SCFD2: variants seen among roughly 807,000 people sequenced by gnomAD.
SCFD2 encodes sec1 family domain containing 2, also known as sec1 family domain-containing protein 2.
In SCFD2, 54 loss-of-function variants were observed where a neutral mutation model predicts 58.9. That is an observed-to-expected ratio of 0.92 (90% CI 0.74 to 1.15). SCFD2 has a LOEUF of 1.15. Among genes scored for constraint, SCFD2 ranks in the 50% most tolerant of loss-of-function variants. The pLI is 0.00. For missense variants in SCFD2, 805 were observed against 836.6 expected (o/e 0.96, Z 0.47); for synonymous variants, 321 against 335.9 (o/e 0.96, Z 0.49).
chr4:53,041,859 C>T (rs1577679621), intron 5 of SCFD2, among the ~76,000 whole-genome samples: 1 of 152,176 alleles, frequency 6.6e-6, no homozygotes, highest in Middle Eastern at 3.4e-3. Context: ...AGAGTGTATC[C>T]ACTTCTTCCA....
chr4:53,019,107 C>G (rs952451190), intron 5 of SCFD2, among the ~76,000 whole-genome samples: 3 of 152,102 alleles, frequency 2.0e-5, no homozygotes, highest in Non-Finnish European at 2.9e-5. Flanking sequence ...AGGATTATAA[C>G]CTTTGACCTA....
chr4:52,958,167 G>C (rs1320414722), intron 5 of SCFD2: 1 of 152,174 alleles, frequency 6.6e-6, no homozygotes, highest in Non-Finnish European at 1.5e-5. Flanking sequence ...ATTCCCCAAG[G>C]TGGGAAGCAA....
chr4:53,310,275 AG>A (rs1732651742), intron 3 of SCFD2, among the ~76,000 whole-genome samples: 1 of 152,244 alleles, frequency 6.6e-6, no homozygotes, highest in Non-Finnish European at 1.5e-5. Context: ...AAGAAAAGAC[AG>A]TATCATAAAG....
intron 4 of SCFD2, among the ~76,000 whole-genome samples, chr4:53,161,221 G>A (rs576954830): frequency 1.3e-5 from 2 of 152,296 alleles, no homozygotes; most frequent in East Asian, 3.9e-4. Context: ...TGAGCTGGGT[G>A]ATGATTACAC....
intron 5 of SCFD2, among the ~76,000 whole-genome samples, chr4:52,988,996 G>C (rs1441325140): frequency 1.3e-5 from 2 of 152,144 alleles, no homozygotes; most frequent in Non-Finnish European, 2.9e-5. Context: ...ATCCCTAATA[G>C]TTATAATAAT....
In SCFD2 at chr4:52,970,044, A is replaced by C. The variant is rs1721058054; in HGVS notation, c.1562-49174T>G. ...AAGAAAACAATTGGGGCGTGGAGCC[A>C]AGATGGCTGAATAGGAACAACTCCA... On this transcript the variant is annotated intron_variant, in intron 5 of 8. Coordinates refer to ENST00000401642, the MANE Select transcript of SCFD2 (RefSeq NM_152540.4). 2.0e-5 allele frequency among the ~76,000 whole-genome samples: 3 copies of C among 152,242 alleles called. No individual in the cohort carries two copies. The South Asian group carries it at 6.2e-4, about 32-fold the overall frequency.
chr4:53,225,945 T>C (rs1279274567), intron 4 of SCFD2, among the ~76,000 whole-genome samples: 1 of 152,160 alleles, frequency 6.6e-6, no homozygotes, highest in Admixed American at 6.5e-5. Context: ...AGTTTACTTG[T>C]TATTTGGGGT....
intron 5 of SCFD2, among the ~76,000 whole-genome samples, chr4:52,981,527 G>T (rs1721374854): frequency 6.6e-6 from 1 of 152,126 alleles, no homozygotes; most frequent in Non-Finnish European, 1.5e-5. Context: ...AGGGTTATTA[G>T]AAGATAAATT....
At chr4:53,176,448 G>A (rs1185729900) in intron 4 of SCFD2, among the ~76,000 whole-genome samples, 1 of 152,128 alleles carries the variant, frequency 6.6e-6, no homozygotes, top group Non-Finnish European at 1.5e-5. Context: ...CTGTTACCTT[G>A]GCCAGACAAC....
At chr4:52,920,971 CT>C in intron 5 of SCFD2, 101 bp from the exon 6 acceptor site, 1 of 487,726 alleles carries the variant, frequency 2.1e-6, no homozygotes, top group East Asian at 3.6e-5. Flanking sequence ...TTTTTTTTTT[CT>C]TTATTATTAT....
At chr4:52,898,115 A>G (rs1719075103) in intron 7 of SCFD2, among the ~76,000 whole-genome samples, 1 of 152,106 alleles carries the variant, frequency 6.6e-6, no homozygotes, top group Non-Finnish European at 1.5e-5. Flanking sequence ...TCCTGGATTC[A>G]TTGATTTTTT....
At chr4:53,270,204 T>C (rs1731117948) in intron 4 of SCFD2, among the ~76,000 whole-genome samples, 1 of 152,120 alleles carries the variant, frequency 6.6e-6, no homozygotes, top group South Asian at 2.1e-4. Flanking sequence ...ATGAAGATTA[T>C]TTAGCATTAA....
At chr4:53,128,144 AG>A (rs1725687730) in intron 5 of SCFD2, among the ~76,000 whole-genome samples, 1 of 151,886 alleles carries the variant, frequency 6.6e-6, no homozygotes, top group Admixed American at 6.6e-5. Context: ...AAATAAATTT[AG>A]ACATAAATTG....
At chr4:53,236,861 T>C (rs973637967) in intron 4 of SCFD2, among the ~76,000 whole-genome samples, 1 of 151,012 alleles carries the variant, frequency 6.6e-6, no homozygotes, top group Non-Finnish European at 1.5e-5. Flanking sequence ...TATTTTTTAT[T>C]GATAATTCTT....
intron 2 of SCFD2, among the ~76,000 whole-genome samples, chr4:53,327,019 C>A (rs913283840): frequency 9.0e-4 from 127 of 141,438 alleles, no homozygotes; most frequent in East Asian, 3.5e-3. Context: ...AAAAAAACAA[C>A]AACAAAAAAC....
intron 5 of SCFD2, among the ~76,000 whole-genome samples, chr4:53,099,426 C>T (rs1299695285): frequency 2.0e-5 from 3 of 152,158 alleles, no homozygotes; most frequent in Non-Finnish European, 4.4e-5. Context: ...GCATCTTAGC[C>T]TACTTTGTGT....
intron 4 of SCFD2, among the ~76,000 whole-genome samples, chr4:53,271,430 C>T (rs1450724850): frequency 9.1e-6 from 1 of 110,226 alleles, no homozygotes; most frequent in African/African-American, 3.1e-5. Flanking sequence ...GATCTACATA[C>T]ATCACTTTAT....
chr4:53,195,302 T>C (rs1194698609), intron 4 of SCFD2, among the ~76,000 whole-genome samples: 3 of 152,210 alleles, frequency 2.0e-5, no homozygotes, highest in Non-Finnish European at 4.4e-5. Context: ...TAGTATGTTA[T>C]CGGTCAGAGA....
chr4:52,889,379 G>A (rs1718828225), intron 7 of SCFD2, among the ~76,000 whole-genome samples: 1 of 152,196 alleles, frequency 6.6e-6, no homozygotes, highest in Non-Finnish European at 1.5e-5. Flanking sequence ...TTCATGCACA[G>A]TAATGGATCC....
Sources: gnomAD v4.1 joint callset for allele counts (sites outside exome capture counted in the v4.1 genomes callset) on GRCh38, gnomAD v4.1.1 for gene constraint, MANE v1.5 for transcripts, NCBI Gene and HGNC (gene_info 2026-07-23, HGNC 2026-07-21) for gene names.